CCDC32: variants seen among roughly 807,000 people sequenced by gnomAD.
CCDC32 encodes the protein coiled-coil domain containing 32.
Under a neutral mutation model 20.1 loss-of-function variants are expected in CCDC32, and 9 were observed. The ratio of observed to expected loss-of-function variants is 0.45; its 90% CI spans 0.27 to 0.78. CCDC32 has a LOEUF of 0.78. Ranked by LOEUF, CCDC32 falls within the 30% of genes least tolerant of loss-of-function variation. The pLI, the probability that CCDC32 is intolerant of heterozygous loss-of-function variation, is 0.16. For missense variants in CCDC32, 204 were observed against 215.5 expected (o/e 0.95, Z 0.33); for synonymous variants, 63 against 79.0 (o/e 0.80, Z 1.07).
chr15:40,526,684 G>A (rs1421658854), downstream of CCDC32, among the ~76,000 whole-genome samples: 3 of 152,094 alleles, frequency 2.0e-5, no homozygotes, highest in Non-Finnish European at 2.9e-5. Context: ...AGGCCGAGGC[G>A]GGCAGATCAC....
the CCDC32 span, among the ~76,000 whole-genome samples, chr15:40,522,036 C>T: frequency 6.6e-6 from 1 of 151,840 alleles, no homozygotes; most frequent in East Asian, 1.9e-4. Context: ...AAATATTATT[C>T]CTATATTTTC....
chr15:40,539,229 T>C, exon 4 of CCDC32: 12 of 1,534,918 alleles, frequency 7.8e-6, no homozygotes, highest in Non-Finnish European at 9.6e-6. Context: ...TGGCCCGCCC[T>C]GGCTGTTACC....
At chr15:40,564,918 G>C in intron 1 of CCDC32, 58 bp downstream of exon 1, 2 of 1,090,584 alleles carry the variant, frequency 1.8e-6, no homozygotes, top group East Asian at 2.5e-5. Flanking sequence ...TGGTATTCCG[G>C]GGCCGGGCCA....
At chr15:40,557,113 T>A (rs1890294699) in intron 3 of CCDC32, 103 bp downstream of exon 3, 1 of 1,433,546 alleles carries the variant, frequency 7.0e-7, no homozygotes, top group African/African-American at 1.4e-5. Context: ...ATTTGCCTTT[T>A]GGCAAAAAAG....
chr15:40,526,829 C>T (rs144323335), downstream of CCDC32, among the ~76,000 whole-genome samples: 1,008 of 152,290 alleles, frequency 6.6e-3, 12 homozygotes, highest in African/African-American at 0.023. Flanking sequence ...AGGAGAATCG[C>T]TTGAACCTGG....
chr15:40,528,712 AC>A (rs2141594852), exon 4 of CCDC32: 1 of 700,404 alleles, frequency 1.4e-6, no homozygotes, highest in African/African-American at 1.8e-5. Context: ...GGCCTTGTCC[AC>A]AAGCGAATGG....
downstream of CCDC32, among the ~76,000 whole-genome samples, chr15:40,525,405 C>T (rs547978821): frequency 3.3e-5 from 5 of 152,058 alleles, no homozygotes; most frequent in East Asian, 1.9e-4. Context: ...TTAGGTAATC[C>T]GCCCGCCTCA....
chr15:40,550,822 G>A (rs968523427), downstream of CCDC32, among the ~76,000 whole-genome samples: 5 of 152,154 alleles, frequency 3.3e-5, no homozygotes, highest in African/African-American at 7.2e-5. Flanking sequence ...CCTCTAAAGC[G>A]ATTCTCCACC....
chr15:40,546,076 A>G (rs1451083068), intron 3 of CCDC32, among the ~76,000 whole-genome samples: 1 of 152,158 alleles, frequency 6.6e-6, no homozygotes, highest in Non-Finnish European at 1.5e-5. Context: ...TGACCAGTTC[A>G]AGTTCACTGG....
At position 40,553,846 on chromosome 15, in the gene CCDC32, TC is replaced by T; in HGVS notation, c.*124del. ...TGGGTTTTTTCCTTCAGTGGATTTC[TC>T]CCTGCTGCTGTCACTGAGCTCCACG... On this transcript the variant is annotated 3_prime_UTR_variant, in exon 4 of 4. Transcript: ENST00000416810. 1 of 1,418,640 alleles carries T rather than the reference TC, an allele frequency of 7.0e-7. No homozygotes were observed. Among genetic ancestry groups the T allele is most frequent in the South Asian group, 1.6e-5 (1 of 62,544 alleles). 87.9% of individuals were successfully genotyped at this position (1,418,640 alleles called of 1,614,324 possible). A position where few individuals can be genotyped will look rare whatever the true frequency, so the allele number is the denominator to read the frequency against.
Position 40,562,963 on chromosome 15 carries a change from A to G in CCDC32, c.53T>C (p.Leu18Pro). Reference protein sequence around the residue: ...DSTATRSGQDLWAEICSCLPN... With the variant: ...DSTATRSGQDPWAEICSCLPN... Reference sequence around the variant, plus strand: ...CAGACAGGAACAAATTTCAGCCCAGAGATCCTGGCCAGATCTTGTGGCTGT... The same window carrying G: ...CAGACAGGAACAAATTTCAGCCCAGGGATCCTGGCCAGATCTTGTGGCTGT... The change falls in exon 2 of 4, where the codon CTC becomes CCC. Residue 18 changes from leucine to proline, a missense_variant. Leu to Pro is a moderately conservative substitution (Grantham distance 98, BLOSUM62 -3). Transcript: ENST00000416810. 1.2e-6 allele frequency: 2 copies of G among 1,614,214 alleles called. No individual in the cohort carries two copies. The highest frequency in any genetic ancestry group is 8.5e-7 in the Non-Finnish European group (1 of 1,180,036).
At chr15:40,528,902 A>T in intron 3 of CCDC32, 1 of 631,160 alleles carries the variant, frequency 1.6e-6, no homozygotes, top group Non-Finnish European at 2.8e-6. Context: ...GTGTCTAACC[A>T]CCTCTGGCTC....
At position 40,562,685 on chromosome 15, in the gene CCDC32, A is replaced by T. The variant is rs1890726668; in HGVS notation, c.244+87T>A. 2.8e-6 allele frequency: 4 copies of T among 1,434,220 alleles called. No individual in the cohort carries two copies. The East Asian group carries it at 9.1e-5, about 33-fold the overall frequency. The allele number at this position is 1,434,220 out of a possible 1,614,324, so 88.8% of individuals were successfully genotyped here. ...GAATTATATCTGACAGATACGTGTG[A>T]CAGGAATAACAACAACACAAAAGAA... On this transcript the variant is annotated intron_variant, in intron 2 of 3. Coordinates refer to ENST00000416810, the MANE Select transcript of CCDC32 (RefSeq NM_001080792.4).
intron 3 of CCDC32, chr15:40,529,664 T>G (rs1448569396): frequency 2.0e-5 from 3 of 150,358 alleles, no homozygotes; most frequent in Non-Finnish European, 4.4e-5. Flanking sequence ...GGATGGTTTT[T>G]TTTTTTTTTT....
chr15:40,540,651 G>A (rs535649890), intron 3 of CCDC32, among the ~76,000 whole-genome samples: 2 of 152,244 alleles, frequency 1.3e-5, no homozygotes, highest in Non-Finnish European at 2.9e-5. Context: ...TTACAGGTGT[G>A]AGCCACTGCA....
chr15:40,556,071 T>G (rs1458603073), intron 3 of CCDC32, among the ~76,000 whole-genome samples: 1 of 152,170 alleles, frequency 6.6e-6, no homozygotes, highest in Non-Finnish European at 1.5e-5. Flanking sequence ...ATTTCACAGA[T>G]CAGGAAACTG....
At chr15:40,530,291 CAAAAAA>C, downstream of CCDC32, among the ~76,000 whole-genome samples, 1 of 99,538 alleles carries the variant, frequency 1.0e-5, no homozygotes, top group East Asian at 2.9e-4. Flanking sequence ...AACTACATCT[CAAAAAA>C]AAAAAAAAAA....
At chr15:40,535,321 G>A (rs567177301), downstream of CCDC32, 72 of 1,239,642 alleles carry the variant, frequency 5.8e-5, 2 homozygotes, top group African/African-American at 9.3e-4. Context: ...CATTATCATA[G>A]ATCTCCAGCC....
chr15:40,538,878 A>C (rs1889246652), downstream of CCDC32: 1 of 240,390 alleles, frequency 4.2e-6, no homozygotes, highest in African/African-American at 2.2e-5. Flanking sequence ...GGGAGCTCTG[A>C]GTATAGGGAA....
Sources: gnomAD v4.1 joint callset for allele counts (sites outside exome capture counted in the v4.1 genomes callset) on GRCh38, gnomAD v4.1.1 for gene constraint, MANE v1.5 for transcripts, NCBI Gene and HGNC (gene_info 2026-07-23, HGNC 2026-07-21) for gene names.